The following WDR62 variants were observed in gnomAD, a reference collection of about 807,000 sequenced individuals.
WDR62 encodes the protein WD repeat-containing protein 62.
A neutral mutation model predicts 160.6 loss-of-function variants in WDR62; 112 were observed. The observed-to-expected ratio is 0.70, with a 90% CI of 0.60 to 0.82. The LOEUF is 0.82. Among genes scored for constraint, WDR62 ranks in the 40% least tolerant of loss-of-function variants. The pLI is 0.00. For synonymous variants in WDR62, 792 were observed against 815.1 expected, an observed-to-expected ratio of 0.97 and a Z score of 0.48; for missense variants, 1,819 against 1,983.8, an observed-to-expected ratio of 0.92 and a Z score of 1.58.
chr19:36,087,259 C>T (rs1972296874), intron 13 of WDR62, among the ~76,000 whole-genome samples: 1 of 152,038 alleles, frequency 6.6e-6, no homozygotes. Context: ...GTAATCTCAG[C>T]ACTTTGGGAG....
chr19:36,060,265 A>G, intron 3 of WDR62: 1 of 580,114 alleles, frequency 1.7e-6, no homozygotes, highest in Non-Finnish European at 3.1e-6. Context: ...TAGTCAGCAA[A>G]TTACGGGCTG....
rs375394865 is a variant in WDR62 at position 36,104,839 on chromosome 19, G to C, written c.4383G>C (p.Trp1461Cys). 7.7e-5 allele frequency: 124 copies of C among 1,613,398 alleles called. No homozygotes were observed. The highest frequency in any genetic ancestry group is 1.0e-4 in the Non-Finnish European group (118 of 1,180,016). ...ARTELVSTFL[W>C]IHSQLEAECL... Reference sequence around the variant, plus strand: ...CTGAGCTGGTCTCCACCTTCCTGTGGATCCACAGCCAGCTGGAGGCTGAAT... The same window carrying C: ...CTGAGCTGGTCTCCACCTTCCTGTGCATCCACAGCCAGCTGGAGGCTGAAT... Residue 1461 changes from tryptophan (W) to cysteine (C), a missense_variant, in exon 32 of 32, where the codon TGG (tryptophan) becomes TGC (cysteine). Physicochemically the swap from Trp to Cys is radical, Grantham distance 215 (BLOSUM62 -2). Transcript: ENST00000401500.
chr19:36,056,119 T>C (rs1333618201), intron 1 of WDR62, among the ~76,000 whole-genome samples: 2 of 152,076 alleles, frequency 1.3e-5, no homozygotes, highest in Non-Finnish European at 2.9e-5. Flanking sequence ...TGAGCTGAGG[T>C]CATGCCACTG....
chr19:36,080,989 A>G (rs1029349697), intron 9 of WDR62, among the ~76,000 whole-genome samples: 3 of 151,876 alleles, frequency 2.0e-5, no homozygotes, highest in Admixed American at 6.6e-5. Flanking sequence ...ACACAGTCTC[A>G]TATGTTGGCC....
intron 7 of WDR62, among the ~76,000 whole-genome samples, chr19:36,068,345 T>C (rs1971056010): frequency 6.6e-6 from 1 of 152,166 alleles, no homozygotes; most frequent in Non-Finnish European, 1.5e-5. Context: ...TGGTAGAGGA[T>C]TGCATTTTTT....
At chr19:36,073,318 T>C in intron 8 of WDR62, 24 bp from the exon 9 acceptor site, 1 of 1,613,520 alleles carries the variant, frequency 6.2e-7, no homozygotes. Flanking sequence ...TGATGGTGAT[T>C]GATTACCCAT....
intron 3 of WDR62, 51 bp downstream of exon 3, chr19:36,060,081 G>A (rs769891253): frequency 8.3e-6 from 13 of 1,568,018 alleles, no homozygotes; most frequent in African/African-American, 4.1e-5. Context: ...GGCTTGGCAC[G>A]CCTCCCCTCC....
chr19:36,067,577 G>A, intron 6 of WDR62, 134 bp downstream of exon 6: 1 of 1,345,690 alleles, frequency 7.4e-7, no homozygotes, highest in Non-Finnish European at 1.0e-6. Flanking sequence ...CCCAGCTGCT[G>A]CTTCTGGGCC....
At chr19:36,077,670 C>T (rs1401500956) in intron 9 of WDR62, among the ~76,000 whole-genome samples, 1 of 151,878 alleles carries the variant, frequency 6.6e-6, no homozygotes, top group African/African-American at 2.4e-5. Flanking sequence ...AATCTCGGCT[C>T]ACTGCAACCT....
chr19:36,089,297 G>T lies in WDR62; in HGVS notation c.1949G>T (p.Arg650Leu). 1 of 1,614,206 alleles carries T rather than the reference G, an allele frequency of 6.2e-7. No homozygotes were observed. Among genetic ancestry groups the T allele is most frequent in the Non-Finnish European group, 8.5e-7 (1 of 1,180,046 alleles). The part of the protein sequence containing the change: ...QKYVAVACQD[R>L]NVRVYNTVNG... ...TACGTGGCCGTGGCCTGCCAGGACC[G>T]CAATGTGAGGTAAGGGGTGGCCCTG... Residue 650 changes from arginine to leucine, a missense_variant, in exon 15 of 32, where the codon CGC (arginine) becomes CTC (leucine). Arg to Leu is a moderately radical substitution (Grantham distance 102). Coordinates refer to ENST00000401500, the MANE Select transcript of WDR62 (RefSeq NM_001083961.2).
chr19:36,097,159 C>G, intron 21 of WDR62, 80 bp downstream of exon 21: 1 of 1,371,840 alleles, frequency 7.3e-7, no homozygotes, highest in African/African-American at 1.4e-5. Context: ...AGCCCTTTTT[C>G]CTTTCCATGT....
rs1599851829 is a variant in WDR62, at chr19:36,104,647, T to C, written c.4283T>C (p.Phe1428Ser). ...ATCTTGCACAGGCTGCAGACCACCT[T>C]CCAAGAAGCCCTCGACCTTTACCGT... ...GNILHRLQTTFQEALDLYRVL... is the reference protein window; with the variant it reads ...GNILHRLQTTSQEALDLYRVL... Residue 1428 changes from phenylalanine to serine, a missense_variant, in exon 31 of 32, where the codon TTC becomes TCC. Transcript: ENST00000401500. 2 of 1,614,088 alleles carry C rather than the reference T, an allele frequency of 1.2e-6. No individual in the cohort carries two copies. Among genetic ancestry groups the C allele is most frequent in the Non-Finnish European group, 1.7e-6 (2 of 1,180,034 alleles).
chr19:36,064,490 A>G (rs1350276166), intron 3 of WDR62, among the ~76,000 whole-genome samples: 1 of 152,078 alleles, frequency 6.6e-6, no homozygotes, highest in Non-Finnish European at 1.5e-5. Context: ...CGTGTTAGCC[A>G]GGGTGGTCTC....
intron 3 of WDR62, among the ~76,000 whole-genome samples, chr19:36,063,538 A>AGGGC: frequency 6.6e-6 from 1 of 152,240 alleles, no homozygotes; most frequent in African/African-American, 2.4e-5. Context: ...GGCTTGAGCC[A>AGGGC]CTGCACCCGG....
chr19:36,077,118 A>G (rs1971613876), intron 9 of WDR62, among the ~76,000 whole-genome samples: 2 of 151,958 alleles, frequency 1.3e-5, no homozygotes, highest in South Asian at 4.1e-4. Context: ...GAACATTTTC[A>G]TCACCCACCC....
chr19:36,059,433 CTTTTTG>C (rs1970531314), intron 2 of WDR62, among the ~76,000 whole-genome samples: 1 of 152,230 alleles, frequency 6.6e-6, no homozygotes, highest in Admixed American at 6.6e-5. Context: ...CTCTTTCTCT[CTTTTTG>C]TTTTGTTTTG....
chr19:36,067,812 C>T lies in WDR62; in HGVS notation c.700-16C>T, dbSNP rs1365235207. On this transcript the variant is annotated splice_polypyrimidine_tract_variant and intron_variant, in intron 6 of 31. Coordinates refer to ENST00000401500, the MANE Select transcript of WDR62 (RefSeq NM_001083961.2). ...CTGTGTGGACAAGTATCTCACTACG[C>T]CCTCTGTGTCTCCAGGTGACGAGCA... 1.2e-6 allele frequency: 2 copies of T among 1,613,490 alleles called. No homozygotes were observed. The highest frequency in any genetic ancestry group is 1.7e-6 in the Non-Finnish European group (2 of 1,179,982).
intron 3 of WDR62, among the ~76,000 whole-genome samples, chr19:36,063,865 A>G (rs531280422): frequency 6.6e-6 from 1 of 152,342 alleles, no homozygotes; most frequent in South Asian, 2.1e-4. Flanking sequence ...TTCCTCACCA[A>G]ACTTTCACTC....
At chr19:36,099,818 G>T (rs1388323017) in intron 22 of WDR62, among the ~76,000 whole-genome samples, 2 of 152,224 alleles carry the variant, frequency 1.3e-5, no homozygotes, top group Non-Finnish European at 2.9e-5. Context: ...GGTCACTTGG[G>T]GGTTAAGAGC....
Sources: gnomAD v4.1 joint callset for allele counts (sites outside exome capture counted in the v4.1 genomes callset) on GRCh38, gnomAD v4.1.1 for gene constraint, MANE v1.5 for transcripts, NCBI Gene and HGNC (gene_info 2026-07-23, HGNC 2026-07-21) for gene names.